The following CMYA5 variants were observed in gnomAD, a reference collection of about 807,000 sequenced individuals.
The protein encoded by CMYA5 is cardiomyopathy-associated protein 5.
A neutral mutation model predicts 318.9 loss-of-function variants in CMYA5; 246 were observed. The ratio of observed to expected loss-of-function variants is 0.77; its 90% confidence interval spans 0.70 to 0.86. The LOEUF (loss-of-function observed/expected upper bound fraction) is 0.86. Among genes scored for constraint, CMYA5 ranks in the 40% least tolerant of loss-of-function variants. The probability of loss-of-function intolerance (pLI) is 0.00; values close to 1 mark genes in which losing one functional copy is unlikely to be tolerated. For missense variants in CMYA5, 4,589 were observed against 4,678.2 expected (o/e 0.98, Z 0.56); for synonymous variants, 1,641 against 1,729.5 (o/e 0.95, Z 1.27).
At chr5:79,784,685 G>A (rs575155413) in intron 9 of CMYA5, among the ~76,000 whole-genome samples, 6 of 127,918 alleles carry the variant, frequency 4.7e-5, no homozygotes, top group Middle Eastern at 3.5e-3. Flanking sequence ...GATTTTCCAG[G>A]TGCGTCCGTC....
At chr5:79,773,279 G>T (rs1828886519) in intron 9 of CMYA5, among the ~76,000 whole-genome samples, 2 of 152,186 alleles carry the variant, frequency 1.3e-5, no homozygotes, top group African/African-American at 4.8e-5. Flanking sequence ...AGTAAGAAAA[G>T]TTAGTCTAGC....
intron 9 of CMYA5, among the ~76,000 whole-genome samples, chr5:79,774,066 C>T (rs1477630958): frequency 6.6e-6 from 1 of 152,198 alleles, no homozygotes; most frequent in Admixed American, 6.5e-5. Context: ...GGTATAATGG[C>T]CTCTGGCGAT....
At chr5:79,793,065 T>C (rs1829206616) in intron 11 of CMYA5, among the ~76,000 whole-genome samples, 1 of 152,264 alleles carries the variant, frequency 6.6e-6, no homozygotes, top group Non-Finnish European at 1.5e-5. Context: ...ATGCAAATTA[T>C]GTTTCCTACC....
chr5:79,732,084 C>T lies in CMYA5; in HGVS notation c.3319C>T (p.Leu1107Phe). The T allele has an allele frequency of 6.2e-7, 1 of 1,613,940 alleles. No individual in the cohort carries two copies. Among genetic ancestry groups the T allele is most frequent in the Non-Finnish European group, 8.5e-7 (1 of 1,179,862 alleles). ...PTTSTSVSEY[L>F]ILAQKQKTQA... ...AACCTCAACATCTGTATCTGAATATCTCATTTTGGCACAGAAGCAGAAAAC... is the reference window on the plus strand; with the variant it reads ...AACCTCAACATCTGTATCTGAATATTTCATTTTGGCACAGAAGCAGAAAAC... The change falls in exon 2 of 13, where the codon CTC (leucine) becomes TTC (phenylalanine). Residue 1107 changes from leucine (L) to phenylalanine (F), a missense_variant. By Grantham distance (22) the Leu-to-Phe change is conservative (BLOSUM62 0). Transcript: ENST00000446378.
intron 1 of CMYA5, among the ~76,000 whole-genome samples, chr5:79,700,866 A>G (rs917874945): frequency 6.6e-6 from 1 of 152,142 alleles, no homozygotes; most frequent in Admixed American, 6.5e-5. Flanking sequence ...GATCTCATGA[A>G]GATAGAGAGT....
intron 9 of CMYA5, among the ~76,000 whole-genome samples, chr5:79,769,573 C>T (rs1018231055): frequency 6.6e-6 from 1 of 152,148 alleles, no homozygotes; most frequent in Non-Finnish European, 1.5e-5. Context: ...TGCAGGTCTA[C>T]TGCAGTTTGC....
At chr5:79,798,307 G>GT (rs372266609) in intron 12 of CMYA5, among the ~76,000 whole-genome samples, 16 of 152,096 alleles carry the variant, frequency 1.1e-4, no homozygotes, top group African/African-American at 3.9e-4. Flanking sequence ...TGGTGTTGCT[G>GT]TGCTCCCACC....
At chr5:79,792,338 A>T (rs1244838779) in intron 11 of CMYA5, among the ~76,000 whole-genome samples, 2 of 152,222 alleles carry the variant, frequency 1.3e-5, no homozygotes, top group African/African-American at 4.8e-5. Flanking sequence ...GAAAAAATAG[A>T]TTGAAGAAAT....
chr5:79,793,732 A>G, intron 12 of CMYA5, 122 bp downstream of exon 12: 1 of 861,196 alleles, frequency 1.2e-6, no homozygotes, highest in South Asian at 2.0e-5. Context: ...GCCAACTAAG[A>G]AAGAAAACAA....
chr5:79,742,053 CT>C (rs1561215500), intron 2 of CMYA5, among the ~76,000 whole-genome samples: 12 of 108,614 alleles, frequency 1.1e-4, no homozygotes, highest in Non-Finnish European at 1.8e-4. Flanking sequence ...TTCTCCTCTT[CT>C]TCTTCTTCTT....
rs199735788 is a variant in CMYA5 at position 79,738,713 on chromosome 5, C to T, written c.9948C>T (p.Asn3316=). The change falls in exon 2 of 13, where the codon AAC becomes AAT. Residue 3316 remains asparagine, a synonymous_variant. Transcript: ENST00000446378. ...TAGACCATGTGGAGACCGTTGGTAA[C>T]GTAGCGATGCAGAAGAAAGCTCCCA... ...ESVDHVETVG[N]VAMQKKAPIT... The T allele has an allele frequency of 1.2e-5, 20 of 1,613,778 alleles. No individual in the cohort carries two copies. The highest frequency in any genetic ancestry group is 2.2e-5 in the East Asian group (1 of 44,896).
chr5:79,721,505 A>G (rs1302693824), intron 1 of CMYA5, among the ~76,000 whole-genome samples: 1 of 152,230 alleles, frequency 6.6e-6, no homozygotes. Context: ...TTAAATGGTC[A>G]GAATGGATTT....
chr5:79,751,799 C>G (rs1164325820), intron 5 of CMYA5, among the ~76,000 whole-genome samples: 1 of 150,762 alleles, frequency 6.6e-6, no homozygotes, highest in African/African-American at 2.4e-5. Context: ...GAAAACAAAG[C>G]CTAGTGAAGA....
intron 1 of CMYA5, among the ~76,000 whole-genome samples, chr5:79,702,235 A>G (rs1827186849): frequency 2.0e-5 from 3 of 152,182 alleles, no homozygotes; most frequent in Admixed American, 2.0e-4. Context: ...TGTTTTTACA[A>G]AAAAATTTAA....
chr5:79,784,725 C>A (rs1330502610), intron 9 of CMYA5, among the ~76,000 whole-genome samples: 1 of 143,056 alleles, frequency 7.0e-6, no homozygotes, highest in Non-Finnish European at 1.5e-5. Flanking sequence ...AAAGGGAACT[C>A]CCTGACCCCT....
At chr5:79,774,440 CTG>C (rs1345102702) in intron 9 of CMYA5, 16 of 152,268 alleles carry the variant, frequency 1.1e-4, no homozygotes, top group Admixed American at 1.0e-3. Context: ...CTCAGCTGTT[CTG>C]TCTCTCCTGT....
intron 1 of CMYA5, among the ~76,000 whole-genome samples, chr5:79,714,431 C>CTTTTTCTTTTTCTT (rs767402291): frequency 2.0e-5 from 2 of 100,678 alleles, no homozygotes; most frequent in African/African-American, 8.6e-5. Flanking sequence ...TTTTCTTTTT[C>CTTTTTCTTTTTCTT]TTTTTTTTTT....
Position 79,730,366 on chromosome 5 carries a change from T to A in CMYA5, c.1601T>A (p.Leu534His). The change falls in exon 2 of 13, where the codon CTT becomes CAT. Residue 534 changes from leucine (L) to histidine (H), a missense_variant. This residue lies in a region of CMYA5 where 2,132 missense variants were observed against 2,131.3 expected (regional missense o/e 1.00). Transcript: ENST00000446378. ...TTAGTAGAAGAAGAGATCGTAGAAC[T>A]TGATTACCCAGAAAGCCCATTGGTT... ...SNLVEEEIVE[L>H]DYPESPLVSE... 6.2e-7 allele frequency: 1 copy of A among 1,613,882 alleles called. No homozygotes were observed. Among genetic ancestry groups the A allele is most frequent in the African/African-American group, 1.3e-5 (1 of 75,028 alleles).
At chr5:79,769,561 G>C (rs1005927147) in intron 9 of CMYA5, among the ~76,000 whole-genome samples, 1 of 152,108 alleles carries the variant, frequency 6.6e-6, no homozygotes, top group Non-Finnish European at 1.5e-5. Context: ...AGGCCTCTCT[G>C]ATGCAGGTCT....
Sources: allele counts gnomAD v4.1 joint callset (sites outside exome capture counted in the v4.1 genomes callset), GRCh38; gene constraint gnomAD v4.1.1; regional missense constraint gnomAD v4.1.1; transcripts MANE v1.5; gene names NCBI Gene and HGNC (gene_info 2026-07-23, HGNC 2026-07-21).